XNDC1N: variants seen among roughly 807,000 people sequenced by gnomAD.
The protein encoded by XNDC1N is protein XNDC1N.
chr11:71,895,276 T>C, the XNDC1N span, among the ~76,000 whole-genome samples: 1 of 152,108 alleles, frequency 6.6e-6, no homozygotes, highest in Non-Finnish European at 1.5e-5. Flanking sequence ...ATATTTATTA[T>C]GTTGTTTTTT....
the XNDC1N span, among the ~76,000 whole-genome samples, chr11:71,874,084 G>A: frequency 3.9e-5 from 6 of 152,144 alleles, no homozygotes; most frequent in Non-Finnish European, 8.8e-5. Flanking sequence ...GGAGGCCAAG[G>A]CAGGCGGATC....
chr11:71,914,207 A>G, the XNDC1N span: 1 of 447,260 alleles, frequency 2.2e-6, no homozygotes, highest in African/African-American at 2.0e-5. Flanking sequence ...TGATGGATCT[A>G]GGAAAGTAAA....
the XNDC1N span, among the ~76,000 whole-genome samples, chr11:71,912,883 GAAC>G: frequency 6.6e-6 from 1 of 151,988 alleles, no homozygotes; most frequent in Admixed American, 6.6e-5. Flanking sequence ...TGCATATTGG[GAAC>G]AACATCACAA....
the XNDC1N span, among the ~76,000 whole-genome samples, chr11:71,879,992 T>G: frequency 1.3e-5 from 2 of 152,254 alleles, no homozygotes; most frequent in East Asian, 3.9e-4. Context: ...AATGGAACAC[T>G]CTAAAGGAAT....
chr11:71,920,371 G>A, the XNDC1N span, among the ~76,000 whole-genome samples: 2,732 of 149,018 alleles, frequency 0.018, 73 homozygotes, highest in African/African-American at 0.065. Context: ...GCAATGGTGC[G>A]ATCTATGCTC....
At chr11:71,913,046 G>A in the XNDC1N span, among the ~76,000 whole-genome samples, 8 of 152,082 alleles carry the variant, frequency 5.3e-5, no homozygotes, top group East Asian at 5.8e-4. Context: ...GATATTCAAC[G>A]TAACCTTATC....
the XNDC1N span, chr11:71,914,457 C>T: frequency 4.7e-5 from 21 of 444,516 alleles, no homozygotes; most frequent in East Asian, 3.5e-4. Flanking sequence ...ATGGCTGAGG[C>T]GGGTGGATCA....
At chr11:71,928,564 G>C in the XNDC1N span, 2 of 702,548 alleles carry the variant, frequency 2.8e-6, no homozygotes, top group South Asian at 3.0e-5. Context: ...AAGATGGCAG[G>C]TGCTGCAGCC....
chr11:71,909,791 G>C, the XNDC1N span, among the ~76,000 whole-genome samples: 1 of 152,168 alleles, frequency 6.6e-6, no homozygotes, highest in Non-Finnish European at 1.5e-5. Context: ...ATGCCTGACT[G>C]TCCCTTGATC....
the XNDC1N span, among the ~76,000 whole-genome samples, chr11:71,882,366 G>A: frequency 8.0e-4 from 121 of 152,030 alleles, no homozygotes; most frequent in East Asian, 0.012. Context: ...AAGCAATCTC[G>A]TGCCTCAGCC....
the XNDC1N span, chr11:71,914,493 C>G: frequency 7.4e-6 from 3 of 404,652 alleles, no homozygotes; most frequent in South Asian, 1.8e-5. Flanking sequence ...TTGAGACCAG[C>G]CTGGTCAACA....
the XNDC1N span, chr11:71,926,041 G>A: frequency 6.6e-6 from 1 of 152,270 alleles, no homozygotes; most frequent in African/African-American, 2.4e-5. Flanking sequence ...GGAGGCCGAG[G>A]AGGGTGGATA....
At chr11:71,907,961 G>T in the XNDC1N span, among the ~76,000 whole-genome samples, 33 of 152,264 alleles carry the variant, frequency 2.2e-4, no homozygotes, top group Admixed American at 5.2e-4. Context: ...TGCACACTCA[G>T]TGCTATATTG....
At chr11:71,914,455 G>C in the XNDC1N span, 5 of 447,386 alleles carry the variant, frequency 1.1e-5, no homozygotes, top group Non-Finnish European at 2.2e-5. Context: ...GGATGGCTGA[G>C]GCGGGTGGAT....
the XNDC1N span, among the ~76,000 whole-genome samples, chr11:71,913,388 CG>C: frequency 1.3e-5 from 2 of 151,968 alleles, no homozygotes; most frequent in Non-Finnish European, 2.9e-5. Context: ...AACAAGGTCA[CG>C]GGGGGTGACC....
the XNDC1N span, among the ~76,000 whole-genome samples, chr11:71,866,732 C>T: frequency 1.5e-4 from 23 of 151,488 alleles, no homozygotes; most frequent in South Asian, 3.6e-3. Flanking sequence ...CCACTGTACT[C>T]GAGCCTGGGC....
chr11:71,893,954 T>C, the XNDC1N span: 3,436 of 1,102,360 alleles, frequency 3.1e-3, 9 homozygotes, highest in Non-Finnish European at 3.9e-3. Context: ...CACAGTTGGA[T>C]TGTGTTACAA....
At chr11:71,865,749 T>G in the XNDC1N span, 9 of 398,750 alleles carry the variant, frequency 2.3e-5, no homozygotes, top group Non-Finnish European at 4.3e-5. Context: ...TCTCCAGCAC[T>G]GTCAACATTT....
chr11:71,902,847 T>C, the XNDC1N span, among the ~76,000 whole-genome samples: 1 of 152,258 alleles, frequency 6.6e-6, no homozygotes, highest in Non-Finnish European at 1.5e-5. Context: ...ACAATGCTTT[T>C]ATTACATCTT....
Sources: allele counts gnomAD v4.1 joint callset (sites outside exome capture counted in the v4.1 genomes callset), GRCh38; gene constraint gnomAD v4.1.1; transcripts MANE v1.5; gene names NCBI Gene and HGNC (gene_info 2026-07-23, HGNC 2026-07-21).